CLASRP: variants seen among roughly 807,000 people sequenced by gnomAD.
CLASRP encodes CLK4 associating serine/arginine rich protein, also known as CLK4-associating serine/arginine rich protein.
Under a neutral mutation model 99.9 loss-of-function variants are expected in CLASRP, and 52 were observed. The ratio of observed to expected loss-of-function variants is 0.52; its 90% CI spans 0.42 to 0.66. CLASRP has a LOEUF of 0.66. Among genes scored for constraint, CLASRP ranks in the 30% least tolerant of loss-of-function variants. The pLI, the probability that CLASRP is intolerant of heterozygous loss-of-function variation, is 0.00. For missense variants in CLASRP, 848 were observed against 999.2 expected, an observed-to-expected ratio of 0.85 and a Z score of 2.04; for synonymous variants, 379 against 373.0, an observed-to-expected ratio of 1.02 and a Z score of -0.18.
In CLASRP at chr19:45,052,819, A is replaced by C; in HGVS notation, c.226A>C (p.Met76Leu). The change falls in exon 4 of 21, where the codon ATG (methionine) becomes CTG (leucine). Residue 76 changes from methionine (M) to leucine (L), a missense_variant. Met to Leu is a conservative substitution (Grantham distance 15, BLOSUM62 2). Around this residue, in one of 8 missense-constraint regions of CLASRP, gnomAD observed 46 missense variants for 96.8 expected, o/e 0.48. Coordinates refer to ENST00000221455, the MANE Select transcript of CLASRP (RefSeq NM_007056.3). ...MMPWQGDTNN[M>L]IDRFDVRAHL... The stretch of plus-strand genomic sequence containing the variant: ...GCCCTGGCAGGGGGACACCAACAAC[A>C]TGATTGACCGATTCGATGTCCGTGC... 1 of 1,612,374 alleles carries C rather than the reference A, an allele frequency of 6.2e-7. No homozygotes were observed. Among genetic ancestry groups the C allele is most frequent in the Non-Finnish European group, 8.5e-7 (1 of 1,179,360 alleles).
At position 45,064,301 on chromosome 19, in the gene CLASRP, G is replaced by A. The variant is rs1032746319; in HGVS notation, c.1122-42G>A. On this transcript the variant is annotated intron_variant, in intron 12 of 20. Coordinates refer to ENST00000221455, the MANE Select transcript of CLASRP (RefSeq NM_007056.3). ...GTACCCGGGGCAGAGGGGGGCCGCGGCTCAGGCCTGCGCTGACCGGCCCTC... is the reference window on the plus strand; with the variant it reads ...GTACCCGGGGCAGAGGGGGGCCGCGACTCAGGCCTGCGCTGACCGGCCCTC... 9.9e-6 allele frequency: 15 copies of A among 1,508,004 alleles called. No homozygotes were observed. The Middle Eastern group carries it at 5.6e-4, about 56-fold the overall frequency. 93.4% of individuals were successfully genotyped at this position (1,508,004 alleles called of 1,614,324 possible).
At chr19:45,052,413 C>A (rs562450402) in intron 3 of CLASRP, among the ~76,000 whole-genome samples, 13 of 152,244 alleles carry the variant, frequency 8.5e-5, no homozygotes, top group African/African-American at 3.1e-4. Context: ...GGAGCCAGGG[C>A]CAGAGGCCCA....
intron 18 of CLASRP, 62 bp downstream of exon 18, chr19:45,069,310 AT>A: frequency 6.5e-7 from 1 of 1,548,104 alleles, no homozygotes; most frequent in East Asian, 2.2e-5. Context: ...CCTTCCCACC[AT>A]GGGCTGCTGG....
intron 2 of CLASRP, among the ~76,000 whole-genome samples, chr19:45,041,253 C>CA (rs968319606): frequency 4.7e-5 from 7 of 149,370 alleles, no homozygotes; most frequent in African/African-American, 1.2e-4. Context: ...AAGACTGTCT[C>CA]AAAAAAAAAG....
intron 7 of CLASRP, among the ~76,000 whole-genome samples, chr19:45,058,630 T>C (rs1215060945): frequency 6.6e-6 from 1 of 152,018 alleles, no homozygotes; most frequent in Non-Finnish European, 1.5e-5. Context: ...CGTGATCCAC[T>C]TGCCTCGGCC....
At position 45,067,747 on chromosome 19, in the gene CLASRP, C is replaced by T. The variant is rs1967126455; in HGVS notation, c.1667+153C>T. 6.6e-6 allele frequency among the ~76,000 whole-genome samples: 1 copy of T among 152,074 alleles called. No individual in the cohort carries two copies. ...CCTGGGAGGGTGGATTTCAGGGGGACACAGCCCTGGCCTGGGGGGTCTGAG... is the reference window on the plus strand; with the variant it reads ...CCTGGGAGGGTGGATTTCAGGGGGATACAGCCCTGGCCTGGGGGGTCTGAG... On this transcript the variant is annotated intron_variant, in intron 14 of 20. Transcript: ENST00000221455. This position sits in a 1 kb window ranked among gnomAD's most constrained non-coding sequence, Gnocchi z 4.9.
In CLASRP at chr19:45,069,356, A is replaced by G. The variant is rs1967179619; in HGVS notation, c.1874+108A>G. The G allele has an allele frequency of 6.2e-6, 7 of 1,131,678 alleles. No individual in the cohort carries two copies. The East Asian group carries it at 1.7e-4, about 28-fold the overall frequency. The allele number at this position is 1,131,678 out of a possible 1,614,324, so 70.1% of individuals were successfully genotyped here. A position where few individuals can be genotyped will look rare whatever the true frequency, so the allele number is the denominator to read the frequency against. On this transcript the variant is annotated intron_variant, in intron 18 of 20. Coordinates refer to ENST00000221455, the MANE Select transcript of CLASRP (RefSeq NM_007056.3). ...TGCCCAGCTCCCTGTGGGTGGATGAAAGGCAGAGATCCCTGCCTGGCCCTC... is the reference window on the plus strand; with the variant it reads ...TGCCCAGCTCCCTGTGGGTGGATGAGAGGCAGAGATCCCTGCCTGGCCCTC...
chr19:45,070,387 G>A (rs570771577), intron 19 of CLASRP, 150 bp from the exon 20 acceptor site: 1 of 768,388 alleles, frequency 1.3e-6, no homozygotes, highest in Non-Finnish European at 2.4e-6. Flanking sequence ...GCTGGTGAGG[G>A]GCACAGATGG....
At position 45,068,405 on chromosome 19, in the gene CLASRP, C is replaced by G; in HGVS notation, c.1708-15C>G. On this transcript the variant is annotated splice_polypyrimidine_tract_variant and intron_variant, in intron 15 of 20. Coordinates refer to ENST00000221455, the MANE Select transcript of CLASRP (RefSeq NM_007056.3). The stretch of plus-strand genomic sequence containing the variant: ...ACACCCACCCCCTCTCCCGCCTCTT[C>G]TCCCCCCTCCCCAGCCCAAGCTGAC... 2.1e-6 allele frequency: 3 copies of G among 1,440,618 alleles called. No individual in the cohort carries two copies. The highest frequency in any genetic ancestry group is 2.9e-6 in the Non-Finnish European group (3 of 1,046,450). 89.2% of individuals were successfully genotyped at this position (1,440,618 alleles called of 1,614,324 possible).
chr19:45,061,911 TC>T (rs1283618203), intron 10 of CLASRP, among the ~76,000 whole-genome samples: 4 of 150,710 alleles, frequency 2.7e-5, no homozygotes, highest in Admixed American at 6.7e-5. Flanking sequence ...GCTGCTGAAG[TC>T]CAAGTTCCTC....
chr19:45,058,394 T>G, intron 7 of CLASRP: 1 of 156,162 alleles, frequency 6.4e-6, no homozygotes, highest in Non-Finnish European at 1.4e-5. Context: ...TTTATTTATT[T>G]ATTTATTTTT....
chr19:45,068,334 A>AACCCCCCC, intron 15 of CLASRP, 86 bp from the exon 16 acceptor site: 1 of 231,748 alleles, frequency 4.3e-6, no homozygotes, highest in Non-Finnish European at 8.2e-6. Context: ...CCCCCCCCGC[A>AACCCCCCC]CAAAGCCCCA....
Position 45,067,926 on chromosome 19 carries a change from G to T in CLASRP, c.1668-89G>T, listed in dbSNP as rs773655751. 3 of 994,286 alleles carry T rather than the reference G, an allele frequency of 3.0e-6. No homozygotes were observed. The highest frequency in any genetic ancestry group is 4.9e-6 in the Non-Finnish European group (3 of 618,012). The allele number at this position is 994,286 out of a possible 1,614,324, so 61.6% of individuals were successfully genotyped here. A position where few individuals can be genotyped will look rare whatever the true frequency, so the allele number is the denominator to read the frequency against. On this transcript the variant is annotated intron_variant, in intron 14 of 20. Coordinates refer to ENST00000221455, the MANE Select transcript of CLASRP (RefSeq NM_007056.3). The surrounding 1 kb of genome is among the most constrained non-coding windows in gnomAD (Gnocchi z 4.9). ...TCTGAGGCCCATGCCTTGGCTACCT[G>T]GTCTGAGGGCAGTGCTGAGGCTGGG...
Position 45,051,730 on chromosome 19 carries a change from A to G in CLASRP, c.100-341A>G, listed in dbSNP as rs563907644. 8.9e-3 allele frequency among the ~76,000 whole-genome samples: 1,351 copies of G among 151,928 alleles called. 6 individuals are homozygous for G. The highest frequency in any genetic ancestry group is 0.018 in the South Asian group (85 of 4,814). ...ATGCCTGTAATCCCAGCACTTTGGG[A>G]GGCTGAGGCGGGTGGATCACGAGGT... On this transcript the variant is annotated intron_variant, in intron 2 of 20. Coordinates refer to ENST00000221455, the MANE Select transcript of CLASRP (RefSeq NM_007056.3).
chr19:45,058,070 TC>T, intron 7 of CLASRP, 172 bp downstream of exon 7: 1 of 734,272 alleles, frequency 1.4e-6, no homozygotes, highest in East Asian at 2.7e-5. Flanking sequence ...CCTCCTCCGT[TC>T]CGGCCTTCCT....
chr19:45,067,256 CTGTGGATCCGGA>C lies in CLASRP; in HGVS notation c.1410-80_1410-69del, dbSNP rs1754353665. ...ACCCTGGGCCTTGCAGGAAGGAGGA[CTGTGGATCCGGA>C]CCCAGGGTGGGGTGCGGTTGGGGTC... is the stretch of plus-strand genomic sequence containing the variant. On this transcript the variant is annotated intron_variant, in intron 13 of 20. Transcript: ENST00000221455. The surrounding 1 kb of genome is among the most constrained non-coding windows in gnomAD (Gnocchi z 4.9). 2 of 1,411,592 alleles carry C rather than the reference CTGTGGATCCGGA, an allele frequency of 1.4e-6. No homozygotes were observed. Among genetic ancestry groups the C allele is most frequent in the South Asian group, 1.5e-5 (1 of 67,650 alleles). 87.4% of individuals were successfully genotyped at this position (1,411,592 alleles called of 1,614,324 possible). A position where few individuals can be genotyped will look rare whatever the true frequency, so the allele number is the denominator to read the frequency against.
chr19:45,044,261 TG>T (rs1441635147), intron 2 of CLASRP, among the ~76,000 whole-genome samples: 2 of 152,220 alleles, frequency 1.3e-5, no homozygotes, highest in African/African-American at 4.8e-5. Flanking sequence ...TGAACAGGCC[TG>T]CGAGGTAGGT....
At position 45,068,553 on chromosome 19, in the gene CLASRP, C is replaced by G. The variant is rs1469118696; in HGVS notation, c.1768+73C>G. 4 of 1,180,804 alleles carry G rather than the reference C, an allele frequency of 3.4e-6. No homozygotes were observed. The African/African-American group carries it at 6.0e-5, about 18-fold the overall frequency. 73.1% of individuals were successfully genotyped at this position (1,180,804 alleles called of 1,614,324 possible). On this transcript the variant is annotated intron_variant, in intron 16 of 20. Transcript: ENST00000221455. The stretch of plus-strand genomic sequence containing the variant: ...TGGCAGTGGGAGCAAGGAGACTCAG[C>G]ACCACTTTGGGAGGCCTGGCCCTTC...
intron 19 of CLASRP, 134 bp downstream of exon 19, chr19:45,070,238 G>C (rs144092648): frequency 2.9e-6 from 2 of 691,482 alleles, no homozygotes; most frequent in African/African-American, 3.5e-5. Context: ...AGGCTGAGGT[G>C]GGTGGATCAA....
Sources: allele counts gnomAD v4.1 joint callset (sites outside exome capture counted in the v4.1 genomes callset), GRCh38; gene constraint gnomAD v4.1.1; regional missense constraint gnomAD v4.1.1; non-coding constraint Gnocchi (gnomAD v3.1); transcripts MANE v1.5; gene names NCBI Gene and HGNC (gene_info 2026-07-23, HGNC 2026-07-21).